Variants in ZBTB44 observed in about 807,000 individuals in gnomAD.
ZBTB44 encodes zinc finger and BTB domain-containing protein 44.
A neutral mutation model predicts 54.0 loss-of-function variants in ZBTB44; 15 were observed. That is an observed-to-expected ratio of 0.28 (90% confidence interval 0.19 to 0.43). The LOEUF is 0.43. ZBTB44 is among the 20% of genes least tolerant of loss of function. The probability of loss-of-function intolerance (pLI) is 1.00; values close to 1 mark genes in which losing one functional copy is unlikely to be tolerated. For missense variants in ZBTB44, 487 were observed against 707.1 expected (o/e 0.69, Z 3.53); for synonymous variants, 230 against 250.1 (o/e 0.92, Z 0.76).
At chr11:130,250,905 C>T (rs897931831) in intron 2 of ZBTB44, among the ~76,000 whole-genome samples, 4 of 152,318 alleles carry the variant, frequency 2.6e-5, no homozygotes, top group East Asian at 3.9e-4. Flanking sequence ...TGCAACTCCT[C>T]TCCAGCGAGG....
chr11:130,263,657 C>T (rs1273313574), intron 1 of ZBTB44, among the ~76,000 whole-genome samples: 1 of 152,192 alleles, frequency 6.6e-6, no homozygotes, highest in Admixed American at 6.5e-5. Flanking sequence ...TAATGTACTA[C>T]GTTCTCAAGT....
chr11:130,257,127 A>T (rs538899801), intron 2 of ZBTB44, among the ~76,000 whole-genome samples: 19 of 152,002 alleles, frequency 1.2e-4, no homozygotes, highest in Non-Finnish European at 1.9e-4. Flanking sequence ...TACACCAGTA[A>T]TAGACAAGCA....
rs527387653 is a variant in ZBTB44, at chr11:130,310,840, A to C, written c.-57+3535T>G. On this transcript the variant is annotated intron_variant, in intron 1 of 7. Coordinates refer to ENST00000357899, the MANE Select transcript of ZBTB44 (RefSeq NM_001301098.2). ...TCACTGCAACCTCCCCGGTTCAAGC[A>C]ATTCTCCTGCCTCAGCTTCCCAAGT... is the stretch of plus-strand genomic sequence containing the variant. Among the ~76,000 whole-genome samples, 200 of 152,244 alleles carry C rather than the reference A, an allele frequency of 1.3e-3. 1 individual carries two copies. The highest frequency in any genetic ancestry group is 4.6e-3 in the African/African-American group (191 of 41,562).
intron 5 of ZBTB44, among the ~76,000 whole-genome samples, chr11:130,234,673 C>G (rs1392871191): frequency 6.6e-6 from 1 of 152,110 alleles, no homozygotes; most frequent in Non-Finnish European, 1.5e-5. Flanking sequence ...GATATATAAA[C>G]CTAGCTTTGT....
intron 2 of ZBTB44, among the ~76,000 whole-genome samples, chr11:130,259,840 A>C (rs1313580538): frequency 1.3e-5 from 2 of 152,006 alleles, no homozygotes; most frequent in Non-Finnish European, 2.9e-5. Context: ...CATTAGGATA[A>C]ATACGTAACG....
intron 1 of ZBTB44, among the ~76,000 whole-genome samples, chr11:130,311,236 T>G (rs1012036181): frequency 6.6e-6 from 1 of 152,038 alleles, no homozygotes; most frequent in Non-Finnish European, 1.5e-5. Context: ...AGACAGGGTC[T>G]CACTCTGTCA....
chr11:130,297,152 T>A (rs1364288711), intron 1 of ZBTB44, among the ~76,000 whole-genome samples: 1 of 152,238 alleles, frequency 6.6e-6, no homozygotes, highest in Admixed American at 6.5e-5. Flanking sequence ...TTTAAACTTA[T>A]CTAACAAGAG....
At chr11:130,295,558 G>C in intron 1 of ZBTB44, 1 of 699,218 alleles carries the variant, frequency 1.4e-6, no homozygotes. Context: ...GCCTGCCCCT[G>C]GGACTCACAG....
chr11:130,308,415 A>T (rs1275266340), intron 1 of ZBTB44, among the ~76,000 whole-genome samples: 1 of 152,216 alleles, frequency 6.6e-6, no homozygotes, highest in Non-Finnish European at 1.5e-5. Context: ...TGCTAACTCT[A>T]AACAGCCTTG....
intron 3 of ZBTB44, 163 bp downstream of exon 3, chr11:130,239,649 A>G: frequency 1.9e-6 from 1 of 532,168 alleles, no homozygotes; most frequent in Non-Finnish European, 3.3e-6. Flanking sequence ...AAAGCCTTGT[A>G]TAGGTACTCT....
chr11:130,266,604 G>A (rs1435816205), intron 1 of ZBTB44, among the ~76,000 whole-genome samples: 2 of 152,186 alleles, frequency 1.3e-5, no homozygotes, highest in African/African-American at 2.4e-5. Context: ...ATTCATGGGA[G>A]GAGGTCAAAA....
At chr11:130,273,204 TTG>T (rs1939806147) in intron 1 of ZBTB44, among the ~76,000 whole-genome samples, 1 of 152,186 alleles carries the variant, frequency 6.6e-6, no homozygotes, top group Non-Finnish European at 1.5e-5. Flanking sequence ...TTTATTTAGA[TTG>T]TCTTTAATTT....
rs1236248602 is a variant in ZBTB44, at chr11:130,261,494, C to T, written c.380G>A (p.Ser127Asn). 6.2e-7 allele frequency: 1 copy of T among 1,613,966 alleles called. No homozygotes were observed. Among genetic ancestry groups the T allele is most frequent in the Non-Finnish European group, 8.5e-7 (1 of 1,179,868 alleles). The part of the protein sequence containing the change: ...ASTCSEFMKS[S>N]ILWNTPNSQP... ...GCTGTTGGGTGTATTCCATAAAATG[C>T]TTGATTTCATGAACTCTGAGCAGGT... Residue 127 changes from serine (S) to asparagine (N), a missense_variant, in exon 2 of 8, where the codon AGC (serine) becomes AAC (asparagine). Physicochemically the swap from Ser to Asn is conservative, Grantham distance 46. Around this residue, in one of 3 missense-constraint regions of ZBTB44, gnomAD observed 90 missense variants for 160.3 expected, o/e 0.56. Transcript: ENST00000357899. The surrounding 1 kb of genome is among the most constrained non-coding windows in gnomAD (Gnocchi z 4.8).
intron 1 of ZBTB44, among the ~76,000 whole-genome samples, chr11:130,304,617 CT>C (rs1942168750): frequency 6.6e-6 from 1 of 151,772 alleles, no homozygotes; most frequent in South Asian, 2.1e-4. Context: ...ATATTTTTCT[CT>C]TTTTTAAAAA....
At chr11:130,303,388 C>T (rs549269406) in intron 1 of ZBTB44, among the ~76,000 whole-genome samples, 2 of 152,326 alleles carry the variant, frequency 1.3e-5, no homozygotes, top group South Asian at 4.1e-4. Context: ...TTAATCCCGG[C>T]ACTTTAGGAG....
intron 1 of ZBTB44, among the ~76,000 whole-genome samples, chr11:130,270,403 A>G (rs953855957): frequency 1.3e-5 from 2 of 152,248 alleles, no homozygotes; most frequent in Non-Finnish European, 2.9e-5. Flanking sequence ...GCTTTTATCA[A>G]CTATGCTCCA....
At chr11:130,263,354 T>C (rs1186789531) in intron 1 of ZBTB44, among the ~76,000 whole-genome samples, 1 of 152,024 alleles carries the variant, frequency 6.6e-6, no homozygotes, top group Non-Finnish European at 1.5e-5. Flanking sequence ...CTCACAAAAA[T>C]GAGATGAAAG....
Position 130,290,101 on chromosome 11 carries a change from T to C in ZBTB44, c.-57+24274A>G, listed in dbSNP as rs185606852. 2.8e-3 allele frequency among the ~76,000 whole-genome samples: 431 copies of C among 152,248 alleles called. 1 individual carries two copies. Among genetic ancestry groups the C allele is most frequent in the Non-Finnish European group, 4.4e-3 (297 of 68,010 alleles). ...CCAGATTACCCAGGTGGGCCCTAAATACAGTCACAAGTCTCCTTATACAAG... is the reference window on the plus strand; with the variant it reads ...CCAGATTACCCAGGTGGGCCCTAAACACAGTCACAAGTCTCCTTATACAAG... On this transcript the variant is annotated intron_variant, in intron 1 of 7. Transcript: ENST00000357899.
chr11:130,286,392 T>C (rs896366220), intron 1 of ZBTB44, among the ~76,000 whole-genome samples: 1 of 152,190 alleles, frequency 6.6e-6, no homozygotes, highest in African/African-American at 2.4e-5. Flanking sequence ...ATCTATTAAT[T>C]TGAATAGTCT....
Sources: gnomAD v4.1 joint callset for allele counts (sites outside exome capture counted in the v4.1 genomes callset) on GRCh38, gnomAD v4.1.1 for gene constraint, gnomAD v4.1.1 regional missense constraint, Gnocchi (gnomAD v3.1) non-coding constraint, MANE v1.5 for transcripts, NCBI Gene and HGNC (gene_info 2026-07-23, HGNC 2026-07-21) for gene names.